Variants in GABRA3 observed in about 807,000 individuals in gnomAD.
GABRA3 encodes the protein gamma-aminobutyric acid receptor subunit alpha-3.
GABRA3 carries 10 observed loss-of-function variants against 30.1 expected under a neutral mutation model. The observed-to-expected ratio is 0.33, with a 90% confidence interval of 0.20 to 0.56. The LOEUF (loss-of-function observed/expected upper bound fraction) is 0.56, where lower values mean the gene tolerates loss of function less well. Ranked by LOEUF, GABRA3 falls within the 20% of genes least tolerant of loss-of-function variation. The probability of loss-of-function intolerance (pLI) is 0.89; values close to 1 mark genes in which losing one functional copy is unlikely to be tolerated. For synonymous variants in GABRA3, 151 were observed against 146.8 expected (o/e 1.03, Z -0.21); for missense variants, 233 against 392.0 (o/e 0.59, Z 3.42).
At chrX:152,420,337 A>T (rs748541218) in intron 1 of GABRA3, among the ~76,000 whole-genome samples, 1 of 111,621 alleles carries the variant, frequency 9.0e-6, no homozygotes, top group African/African-American at 3.2e-5. Context: ...AAATTAAATT[A>T]TTTGAAAAAT....
At chrX:152,439,422 G>A (rs1001042639) in intron 1 of GABRA3, among the ~76,000 whole-genome samples, 12 of 111,342 alleles carry the variant, frequency 1.1e-4, no homozygotes, top group Admixed American at 4.8e-4. Context: ...ATGAGCCACC[G>A]TGCCTGGTCT....
At chrX:152,202,600 TAATA>T (rs1937498527) in intron 7 of GABRA3, among the ~76,000 whole-genome samples, 1 of 110,874 alleles carries the variant, frequency 9.0e-6, no homozygotes, top group African/African-American at 3.3e-5. Flanking sequence ...TGAAAAAGAA[TAATA>T]AATATAGACA....
At chrX:152,198,206 A>C (rs1000833988) in intron 7 of GABRA3, among the ~76,000 whole-genome samples, 2 of 112,163 alleles carry the variant, frequency 1.8e-5, no homozygotes, top group African/African-American at 6.5e-5. Flanking sequence ...TGAGGCAAGG[A>C]GAGATGGAGC....
At chrX:152,271,055 G>A (rs770671097) in intron 4 of GABRA3, among the ~76,000 whole-genome samples, 36 of 107,124 alleles carry the variant, frequency 3.4e-4, no homozygotes, top group Non-Finnish European at 5.2e-4. Flanking sequence ...TCTGCCTCCC[G>A]GGTTCAAGCG....
intron 9 of GABRA3, among the ~76,000 whole-genome samples, chrX:152,175,269 G>A (rs1369397520): frequency 1.8e-5 from 2 of 108,844 alleles, no homozygotes; most frequent in Admixed American, 9.8e-5. Flanking sequence ...TTTTTTCGGA[G>A]AGAAATAGAG....
At chrX:152,251,204 C>A in intron 5 of GABRA3, 1 of 278,712 alleles carries the variant, frequency 3.6e-6, no homozygotes, top group South Asian at 3.8e-5. Context: ...CAAGGGCATT[C>A]TACATAGACT....
intron 1 of GABRA3, among the ~76,000 whole-genome samples, chrX:152,411,458 G>T (rs1366494177): frequency 8.9e-6 from 1 of 111,737 alleles, no homozygotes; most frequent in Non-Finnish European, 1.9e-5. Context: ...AATCAATTGG[G>T]ATTACTTTCT....
chrX:152,241,480 G>A (rs1208237409), intron 5 of GABRA3, among the ~76,000 whole-genome samples: 2 of 107,036 alleles, frequency 1.9e-5, no homozygotes, highest in African/African-American at 3.3e-5. Flanking sequence ...CCTGCCCCCA[G>A]AGGTGGAGCC....
At chrX:152,236,329 CT>C (rs1170406564) in intron 5 of GABRA3, among the ~76,000 whole-genome samples, 1 of 98,157 alleles carries the variant, frequency 1.0e-5, no homozygotes, top group African/African-American at 3.7e-5. Context: ...TGAACTCATC[CT>C]TTTTTATGGC....
intron 9 of GABRA3, among the ~76,000 whole-genome samples, chrX:152,187,530 C>T: frequency 8.9e-6 from 1 of 111,985 alleles, no homozygotes; most frequent in Non-Finnish European, 1.9e-5. Flanking sequence ...CATACACATG[C>T]ACAAGCACAT....
At chrX:152,265,037 T>C (rs1451301187) in intron 4 of GABRA3, among the ~76,000 whole-genome samples, 1 of 111,611 alleles carries the variant, frequency 9.0e-6, no homozygotes, top group East Asian at 2.8e-4. Context: ...TGGAGCCCTA[T>C]GCAATGATGG....
chrX:152,244,902 T>C (rs1266647486), intron 5 of GABRA3, among the ~76,000 whole-genome samples: 1 of 111,540 alleles, frequency 9.0e-6, no homozygotes, highest in Admixed American at 9.5e-5. Context: ...CACAGAAAAA[T>C]ATCAAATCAT....
intron 6 of GABRA3, among the ~76,000 whole-genome samples, chrX:152,210,590 T>C (rs1357780582): frequency 8.9e-6 from 1 of 112,498 alleles, no homozygotes; most frequent in Non-Finnish European, 1.9e-5. Context: ...GAGCCCAGTG[T>C]GTTGTCAGTC....
intron 9 of GABRA3, among the ~76,000 whole-genome samples, chrX:152,189,451 T>C (rs1937295719): frequency 8.9e-6 from 1 of 111,763 alleles, no homozygotes; most frequent in Admixed American, 9.5e-5. Flanking sequence ...TTGAGTGACT[T>C]TGTAAGTACC....
At chrX:152,340,253 C>T (rs905922861) in intron 3 of GABRA3, among the ~76,000 whole-genome samples, 5 of 112,279 alleles carry the variant, frequency 4.5e-5, no homozygotes, top group Non-Finnish European at 7.5e-5. Context: ...CTGTGTAATA[C>T]AAAACTGTTC....
chrX:152,178,767 CTT>C (rs372481008), intron 9 of GABRA3, among the ~76,000 whole-genome samples: 222 of 111,202 alleles, frequency 2.0e-3, no homozygotes, highest in African/African-American at 6.7e-3. Context: ...AAGTTGAAAA[CTT>C]ATGAAAATCA....
intron 3 of GABRA3, among the ~76,000 whole-genome samples, chrX:152,332,091 A>G (rs182278515): frequency 4.6e-4 from 51 of 111,810 alleles, no homozygotes; most frequent in African/African-American, 1.6e-3. Flanking sequence ...AAAACAGCCC[A>G]TCAAAATGCT....
At chrX:152,237,476 C>T (rs1375230114) in intron 5 of GABRA3, among the ~76,000 whole-genome samples, 69 of 99,818 alleles carry the variant, frequency 6.9e-4, no homozygotes, top group African/African-American at 1.0e-3. Context: ...CTTGGCAATG[C>T]GGGCTCTTTT....
At chrX:152,278,521 TG>T (rs1461763884) in intron 4 of GABRA3, among the ~76,000 whole-genome samples, 4 of 111,958 alleles carry the variant, frequency 3.6e-5, no homozygotes, top group African/African-American at 1.3e-4. Context: ...GATGGACATT[TG>T]GCTTGGTTCC....
Sources: gnomAD v4.1 joint callset for allele counts (sites outside exome capture counted in the v4.1 genomes callset) on GRCh38, gnomAD v4.1.1 for gene constraint, MANE v1.5 for transcripts, NCBI Gene and HGNC (gene_info 2026-07-23, HGNC 2026-07-21) for gene names.